The following R3HDM2 variants were observed in gnomAD, a reference collection of about 807,000 sequenced individuals.
R3HDM2 encodes the protein R3H domain-containing protein 2.
A neutral mutation model predicts 124.5 loss-of-function variants in R3HDM2; 38 were observed. The ratio of observed to expected loss-of-function variants is 0.31; its 90% CI spans 0.24 to 0.40. The LOEUF (loss-of-function observed/expected upper bound fraction) is 0.40, where lower values mean the gene tolerates loss of function less well. Ranked by LOEUF, R3HDM2 falls within the 10% of genes least tolerant of loss-of-function variation. The probability of loss-of-function intolerance (pLI) is 1.00; values close to 1 mark genes in which losing one functional copy is unlikely to be tolerated. For synonymous variants in R3HDM2, 391 were observed against 448.0 expected (o/e 0.87, Z 1.61); for missense variants, 869 against 1,236.9 (o/e 0.70, Z 4.46).
At chr12:57,423,331 G>A (rs2070389234) in intron 1 of R3HDM2, among the ~76,000 whole-genome samples, 1 of 151,636 alleles carries the variant, frequency 6.6e-6, no homozygotes, top group Non-Finnish European at 1.5e-5. Flanking sequence ...GACTAAAGTG[G>A]GAGACTTGCT....
chr12:57,393,706 C>T (rs2067069774), intron 2 of R3HDM2, among the ~76,000 whole-genome samples: 2 of 152,074 alleles, frequency 1.3e-5, no homozygotes, highest in African/African-American at 4.8e-5. Context: ...CTCATCTATA[C>T]ATCCAGGAAG....
intron 1 of R3HDM2, among the ~76,000 whole-genome samples, chr12:57,414,049 A>C (rs1234503743): frequency 2.7e-5 from 4 of 150,732 alleles, no homozygotes; most frequent in Non-Finnish European, 4.4e-5. Context: ...GGGTTTCATC[A>C]TGTTGGTCAG....
At position 57,395,508 on chromosome 12, in the gene R3HDM2, A is replaced by T. The variant is rs1464104852; in HGVS notation, c.-36+241T>A. Among the ~76,000 whole-genome samples, 4 of 151,990 alleles carry T rather than the reference A, an allele frequency of 2.6e-5. No individual in the cohort carries two copies. The East Asian group carries it at 7.7e-4, about 29-fold the overall frequency. On this transcript the variant is annotated intron_variant, in intron 2 of 23. Transcript: ENST00000402412. ...AAAAGAGCAAAACTTCATCTCAAAA[A>T]AAAAAAGGTGATCTGCCCACCTCAG...
At chr12:57,385,206 T>C (rs1023610753) in intron 2 of R3HDM2, among the ~76,000 whole-genome samples, 1 of 151,320 alleles carries the variant, frequency 6.6e-6, no homozygotes, top group Non-Finnish European at 1.5e-5. Flanking sequence ...ATGAGGGGAC[T>C]CTGACTTAAG....
intron 2 of R3HDM2, among the ~76,000 whole-genome samples, chr12:57,321,649 CT>C (rs1431685734): frequency 6.6e-6 from 1 of 151,906 alleles, no homozygotes; most frequent in Non-Finnish European, 1.5e-5. Flanking sequence ...GAAACTCCGT[CT>C]TGGAAAATAA....
At chr12:57,363,468 G>A (rs1334858953) in intron 2 of R3HDM2, among the ~76,000 whole-genome samples, 1 of 152,078 alleles carries the variant, frequency 6.6e-6, no homozygotes, top group Non-Finnish European at 1.5e-5. Flanking sequence ...ATTTGTTAAA[G>A]GATACAAAAC....
chr12:57,385,810 A>ACC (rs2065655661), intron 2 of R3HDM2, among the ~76,000 whole-genome samples: 1 of 152,176 alleles, frequency 6.6e-6, no homozygotes, highest in East Asian at 1.9e-4. Flanking sequence ...GTGGCCTGGA[A>ACC]CCCCTGGGAA....
At chr12:57,363,591 C>G (rs1338760306) in intron 2 of R3HDM2, among the ~76,000 whole-genome samples, 1 of 152,124 alleles carries the variant, frequency 6.6e-6, no homozygotes, top group Non-Finnish European at 1.5e-5. Context: ...GGTCCCAATG[C>G]AACAAAATAA....
intron 2 of R3HDM2, among the ~76,000 whole-genome samples, chr12:57,388,261 G>A (rs2066152187): frequency 6.6e-6 from 1 of 152,156 alleles, no homozygotes; most frequent in South Asian, 2.1e-4. Context: ...CACCACACCT[G>A]GCCAAGACAC....
chr12:57,262,524 A>G (rs1227225084), intron 19 of R3HDM2, among the ~76,000 whole-genome samples: 1 of 152,226 alleles, frequency 6.6e-6, no homozygotes, highest in East Asian at 1.9e-4. Flanking sequence ...GCCTGGGGGT[A>G]AACAGGGCAA....
chr12:57,421,441 C>T (rs914369646), intron 1 of R3HDM2, among the ~76,000 whole-genome samples: 1 of 144,146 alleles, frequency 6.9e-6, no homozygotes, highest in Non-Finnish European at 1.5e-5. Flanking sequence ...TAAGCGACCA[C>T]ACCCAGCTCT....
At chr12:57,340,848 T>C (rs2059472895) in intron 2 of R3HDM2, among the ~76,000 whole-genome samples, 3 of 151,284 alleles carry the variant, frequency 2.0e-5, no homozygotes, top group Non-Finnish European at 1.5e-5. Flanking sequence ...AAATCAGCGG[T>C]ATTAAAATGG....
chr12:57,352,131 G>T (rs2060738582), intron 2 of R3HDM2, among the ~76,000 whole-genome samples: 1 of 150,710 alleles, frequency 6.6e-6, no homozygotes, highest in African/African-American at 2.4e-5. Flanking sequence ...ACTACTTAGG[G>T]TATGGGAGGC....
At chr12:57,364,879 G>A (rs2062419545) in intron 2 of R3HDM2, among the ~76,000 whole-genome samples, 1 of 147,050 alleles carries the variant, frequency 6.8e-6, no homozygotes, top group Admixed American at 6.8e-5. Context: ...CTTGAACCCA[G>A]GAGGCAGAGG....
At chr12:57,406,307 G>A (rs1354616599) in intron 1 of R3HDM2, among the ~76,000 whole-genome samples, 3 of 142,838 alleles carry the variant, frequency 2.1e-5, no homozygotes, top group Non-Finnish European at 4.5e-5. Flanking sequence ...GGCAACAAGA[G>A]CGAAACTCCG....
chr12:57,288,499 A>T (rs1471161623), intron 12 of R3HDM2, among the ~76,000 whole-genome samples: 1 of 152,032 alleles, frequency 6.6e-6, no homozygotes, highest in East Asian at 1.9e-4. Flanking sequence ...ATAGATTCAG[A>T]AAAGGTTAGC....
chr12:57,427,595 C>T (rs900942570), intron 1 of R3HDM2, among the ~76,000 whole-genome samples: 50 of 151,742 alleles, frequency 3.3e-4, no homozygotes, highest in African/African-American at 1.2e-3. Flanking sequence ...GGTGATGCCC[C>T]GTCCTTGGCC....
intron 1 of R3HDM2, among the ~76,000 whole-genome samples, chr12:57,401,781 C>G (rs568146108): frequency 1.3e-5 from 2 of 151,738 alleles, no homozygotes; most frequent in Non-Finnish European, 2.9e-5. Context: ...GTCAGGAGTT[C>G]GAGACCAGCC....
In R3HDM2 at chr12:57,360,032, T is replaced by TATATAC. The variant is rs1555287227; in HGVS notation, c.-36+35716_-36+35717insGTATAT. ...ATATATATATATATATACACACATA[T>TATATAC]ATATATATATATATATTTTTTTTTT... On this transcript the variant is annotated intron_variant, in intron 2 of 23. Transcript: ENST00000402412. Among the ~76,000 whole-genome samples the TATATAC allele has an allele frequency of 7.7e-4, 56 of 72,870 alleles. 1 individual carries two copies. The East Asian group carries it at 0.018, about 23-fold the overall frequency. The allele number at this position is 72,870 out of a possible 152,430, so 47.8% of individuals were successfully genotyped here.
Sources: allele counts gnomAD v4.1 joint callset (sites outside exome capture counted in the v4.1 genomes callset), GRCh38; gene constraint gnomAD v4.1.1; transcripts MANE v1.5; gene names NCBI Gene and HGNC (gene_info 2026-07-23, HGNC 2026-07-21).